Variants in CCDC171 observed in about 807,000 individuals in gnomAD.
The protein encoded by CCDC171 is coiled-coil domain-containing protein 171.
In CCDC171, 177 loss-of-function variants were observed where a neutral mutation model predicts 168.2. The ratio of observed to expected loss-of-function variants is 1.05; its 90% CI spans 0.93 to 1.19. The LOEUF (loss-of-function observed/expected upper bound fraction) is 1.19, where lower values mean the gene tolerates loss of function less well. Ranked by LOEUF, CCDC171 falls within the 50% of genes most tolerant of loss-of-function variation. The probability of loss-of-function intolerance (pLI) is 0.00; values close to 1 mark genes in which losing one functional copy is unlikely to be tolerated. For missense variants in CCDC171, 1,991 were observed against 1,539.0 expected (o/e 1.29, Z -4.91); for synonymous variants, 687 against 540.8 (o/e 1.27, Z -3.75).
intron 24 of CCDC171, among the ~76,000 whole-genome samples, chr9:15,913,075 C>T (rs914398388): frequency 3.9e-5 from 6 of 152,222 alleles, no homozygotes; most frequent in African/African-American, 1.4e-4. Context: ...GGAGGAGTTC[C>T]TCTTTTTCTC....
At chr9:16,073,274 A>C in the CCDC171 span, among the ~76,000 whole-genome samples, 2 of 152,114 alleles carry the variant, frequency 1.3e-5, no homozygotes, top group Admixed American at 6.5e-5. Flanking sequence ...TGGTGTAGGA[A>C]CCCTGGGTAA....
chr9:15,719,696 A>G (rs2053347509), intron 11 of CCDC171, among the ~76,000 whole-genome samples: 2 of 152,208 alleles, frequency 1.3e-5, no homozygotes, highest in Admixed American at 6.5e-5. Flanking sequence ...TAGGTCAGTA[A>G]GGAGAGGGCA....
intron 18 of CCDC171, among the ~76,000 whole-genome samples, chr9:15,766,061 G>C (rs558973998): frequency 1.3e-5 from 2 of 152,238 alleles, no homozygotes; most frequent in South Asian, 4.1e-4. Flanking sequence ...AGATTGAGCA[G>C]GTTTGTTTTC....
At chr9:15,626,909 A>G (rs1388611629) in intron 7 of CCDC171, among the ~76,000 whole-genome samples, 1 of 152,096 alleles carries the variant, frequency 6.6e-6, no homozygotes, top group African/African-American at 2.4e-5. Flanking sequence ...TCCTCCTTGT[A>G]CCTCTGGTAG....
chr9:16,094,089 A>G, the CCDC171 span, among the ~76,000 whole-genome samples: 1 of 152,216 alleles, frequency 6.6e-6, no homozygotes, highest in Non-Finnish European at 1.5e-5. Flanking sequence ...AGGTTGGACG[A>G]TAAGCAGTGT....
At chr9:15,560,536 G>A (rs1360903351) in intron 1 of CCDC171, among the ~76,000 whole-genome samples, 2 of 152,016 alleles carry the variant, frequency 1.3e-5, no homozygotes, top group Admixed American at 1.3e-4. Flanking sequence ...TGAAGCTTGT[G>A]CATTCGTCAC....
In CCDC171 at chr9:15,573,478, T is replaced by C. The variant is rs188457827; in HGVS notation, c.177+1719T>C. 8.8e-4 allele frequency among the ~76,000 whole-genome samples: 133 copies of C among 151,618 alleles called. 1 individual carries two copies. Among genetic ancestry groups the C allele is most frequent in the African/African-American group, 2.8e-3 (115 of 41,440 alleles). On this transcript the variant is annotated intron_variant, in intron 3 of 25. Transcript: ENST00000380701. ...TGTATTTTTAGTAGAGATGGGGTTT[T>C]ACCATGTTGGCTAGGCTGGTCTTGA... is the stretch of plus-strand genomic sequence containing the variant.
At chr9:16,058,500 C>T (rs985077376) in intron 1 of CCDC171, among the ~76,000 whole-genome samples, 5 of 152,180 alleles carry the variant, frequency 3.3e-5, no homozygotes, top group Admixed American at 3.3e-4. Flanking sequence ...CACACGGGGG[C>T]CTGTTCCTTT....
intron 24 of CCDC171, among the ~76,000 whole-genome samples, chr9:15,879,528 A>G (rs1326531765): frequency 1.3e-5 from 2 of 152,128 alleles, no homozygotes; most frequent in Non-Finnish European, 2.9e-5. Context: ...GAATATTAGA[A>G]CTTATACCTT....
At chr9:15,964,843 C>G (rs1053665776) in intron 25 of CCDC171, among the ~76,000 whole-genome samples, 2 of 152,220 alleles carry the variant, frequency 1.3e-5, no homozygotes, top group Non-Finnish European at 2.9e-5. Context: ...TCACTGCAAC[C>G]TCTGCCTCCT....
At chr9:16,078,307 C>G in the CCDC171 span, among the ~76,000 whole-genome samples, 1 of 152,168 alleles carries the variant, frequency 6.6e-6, no homozygotes, top group African/African-American at 2.4e-5. Context: ...CAGCCTCCAG[C>G]TCTTGCTGAG....
chr9:15,653,590 T>C (rs1317883356), intron 7 of CCDC171, among the ~76,000 whole-genome samples: 3 of 152,168 alleles, frequency 2.0e-5, no homozygotes, highest in Non-Finnish European at 4.4e-5. Flanking sequence ...GTGAACCAAG[T>C]GCCTATGATT....
intron 1 of CCDC171, among the ~76,000 whole-genome samples, chr9:16,048,295 G>C (rs372642185): frequency 2.7e-4 from 41 of 152,308 alleles, no homozygotes; most frequent in African/African-American, 8.7e-4. Context: ...ATGGCACTCT[G>C]CATGGCAGTA....
chr9:15,884,022 C>T lies in CCDC171; in HGVS notation c.3600+9359C>T, dbSNP rs529454062. On this transcript the variant is annotated intron_variant, in intron 24 of 25. Transcript: ENST00000380701. ...AAATTACACCAGTAGCAGGGATTCT[C>T]ATTATTTTATACAATTGTTTTCTTT... Among the ~76,000 whole-genome samples the T allele has an allele frequency of 5.3e-5, 8 of 152,248 alleles. No homozygotes were observed. The South Asian group carries it at 1.5e-3, about 28-fold the overall frequency.
At chr9:15,726,717 A>G (rs1209183561) in intron 14 of CCDC171, among the ~76,000 whole-genome samples, 6 of 152,134 alleles carry the variant, frequency 3.9e-5, no homozygotes, top group African/African-American at 1.2e-4. Flanking sequence ...TAATTATAAA[A>G]CTTTTACATA....
intron 6 of CCDC171, among the ~76,000 whole-genome samples, chr9:15,610,163 A>G (rs1280299122): frequency 2.6e-5 from 4 of 151,878 alleles, no homozygotes; most frequent in Non-Finnish European, 5.9e-5. Flanking sequence ...GATATAAGTC[A>G]TACTTATTTT....
intron 21 of CCDC171, among the ~76,000 whole-genome samples, chr9:15,795,799 A>G (rs148080417): frequency 1.3e-3 from 191 of 152,324 alleles, no homozygotes; most frequent in Admixed American, 2.7e-3. Context: ...AAAAGTTACT[A>G]AGGAAACTGG....
chr9:16,098,356 G>A, the CCDC171 span, among the ~76,000 whole-genome samples: 9 of 152,242 alleles, frequency 5.9e-5, no homozygotes, highest in East Asian at 3.9e-4. Flanking sequence ...CATTGTTGTC[G>A]TCGTCGTCAT....
exon 5 of CCDC171, chr9:16,022,411 C>T (rs1185220477): frequency 1.3e-5 from 2 of 152,142 alleles, no homozygotes; most frequent in African/African-American, 4.8e-5. Flanking sequence ...CCAAGGAGGC[C>T]CTCCCACCCA....
Sources: allele counts gnomAD v4.1 joint callset (sites outside exome capture counted in the v4.1 genomes callset), GRCh38; gene constraint gnomAD v4.1.1; transcripts MANE v1.5; gene names NCBI Gene and HGNC (gene_info 2026-07-23, HGNC 2026-07-21).